Variants in PAPOLA observed in about 807,000 individuals in gnomAD.
PAPOLA encodes polynucleotide adenylyltransferase alpha.
A neutral mutation model predicts 100.6 loss-of-function variants in PAPOLA; 15 were observed. The observed-to-expected ratio is 0.15, with a 90% CI of 0.10 to 0.23. The LOEUF (loss-of-function observed/expected upper bound fraction) is 0.23, where lower values mean the gene tolerates loss of function less well. Ranked by LOEUF, PAPOLA falls within the 10% of genes least tolerant of loss-of-function variation. PAPOLA has a pLI of 1.00. For missense variants in PAPOLA, 533 were observed against 884.2 expected, an observed-to-expected ratio of 0.60 and a Z score of 5.04; for synonymous variants, 293 against 300.0, an observed-to-expected ratio of 0.98 and a Z score of 0.24.
At chr14:96,532,258 G>A (rs1899086416) in intron 7 of PAPOLA, 73 bp from the exon 8 acceptor site, 15 of 1,475,944 alleles carry the variant, frequency 1.0e-5, no homozygotes, top group Non-Finnish European at 1.3e-5. Flanking sequence ...ATGATTTAAT[G>A]TTGTTTTTTT....
At chr14:96,514,462 T>A (rs1261662261) in intron 1 of PAPOLA, among the ~76,000 whole-genome samples, 1 of 151,972 alleles carries the variant, frequency 6.6e-6, no homozygotes, top group Non-Finnish European at 1.5e-5. Context: ...ATTGCAGGCG[T>A]GTGCCACCAC....
intron 1 of PAPOLA, among the ~76,000 whole-genome samples, chr14:96,518,921 G>A (rs1276609773): frequency 2.0e-5 from 3 of 151,884 alleles, no homozygotes; most frequent in Non-Finnish European, 4.4e-5. Flanking sequence ...GCCGGGTGTG[G>A]TGGCATGCAC....
chr14:96,525,852 G>C (rs1898423646), intron 4 of PAPOLA: 1 of 153,036 alleles, frequency 6.5e-6, no homozygotes, highest in African/African-American at 2.4e-5. Flanking sequence ...TACTGCATTG[G>C]AAAGTACAGA....
At chr14:96,559,661 G>A (rs1034054778) in intron 19 of PAPOLA, among the ~76,000 whole-genome samples, 4 of 145,736 alleles carry the variant, frequency 2.7e-5, no homozygotes, top group Non-Finnish European at 6.0e-5. Context: ...AAAACTTTCT[G>A]TATGGAAAAT....
intron 12 of PAPOLA, among the ~76,000 whole-genome samples, chr14:96,541,663 CATGTT>C (rs1329303519): frequency 6.6e-6 from 1 of 151,722 alleles, no homozygotes; most frequent in African/African-American, 2.4e-5. Flanking sequence ...TTGTTGCTGT[CATGTT>C]AGTGATTTTT....
In PAPOLA at chr14:96,535,062, G is replaced by A. The variant is rs938623314; in HGVS notation, c.909+499G>A. 3.1e-6 allele frequency: 3 copies of A among 981,256 alleles called. No individual in the cohort carries two copies. The African/African-American group carries it at 5.3e-5, about 17-fold the overall frequency. 60.8% of individuals were successfully genotyped at this position (981,256 alleles called of 1,614,324 possible). ...ATATTTTAGAGATTATAAAAACATGGTTGGGCTAAAGAAGACCTTCCATTC... is the reference window on the plus strand; with the variant it reads ...ATATTTTAGAGATTATAAAAACATGATTGGGCTAAAGAAGACCTTCCATTC... On this transcript the variant is annotated intron_variant, in intron 10 of 21. Coordinates refer to ENST00000216277, the MANE Select transcript of PAPOLA (RefSeq NM_032632.5).
intron 1 of PAPOLA, among the ~76,000 whole-genome samples, chr14:96,509,803 C>T (rs1054244407): frequency 3.9e-5 from 6 of 152,140 alleles, no homozygotes; most frequent in African/African-American, 1.4e-4. Flanking sequence ...GTTATGGGAC[C>T]ACTGTTATAT....
chr14:96,557,165 C>T (rs1359527841), intron 19 of PAPOLA, among the ~76,000 whole-genome samples: 1 of 152,140 alleles, frequency 6.6e-6, no homozygotes, highest in Non-Finnish European at 1.5e-5. Context: ...CCCACCTCAG[C>T]CTCCCAAGTA....
chr14:96,547,222 G>A (rs991081430), intron 15 of PAPOLA, among the ~76,000 whole-genome samples: 4 of 152,080 alleles, frequency 2.6e-5, no homozygotes, highest in Non-Finnish European at 5.9e-5. Flanking sequence ...TTGTATGACC[G>A]ACTTTTTTAC....
chr14:96,558,812 C>G (rs1280862697), intron 19 of PAPOLA, among the ~76,000 whole-genome samples: 1 of 152,028 alleles, frequency 6.6e-6, no homozygotes, highest in Admixed American at 6.5e-5. Context: ...AGCCTACTCA[C>G]AAAAATTAAC....
rs889855055 is a variant in PAPOLA, at chr14:96,503,274, A to G, written c.8+674A>G. On this transcript the variant is annotated intron_variant, in intron 1 of 21. Transcript: ENST00000216277. ...AGGGTGCCCTCCTCCAAAACGACTT[A>G]TGTATTGCTTTCCCTGTTTTGTTTT... 1.3e-4 allele frequency among the ~76,000 whole-genome samples: 20 copies of G among 152,248 alleles called. 1 individual carries two copies. In the South Asian group the frequency reaches 4.1e-3, roughly 32 times the overall value.
At chr14:96,540,413 CT>C (rs1003084827) in intron 12 of PAPOLA, among the ~76,000 whole-genome samples, 2,680 of 138,480 alleles carry the variant, frequency 0.019, 58 homozygotes, top group African/African-American at 0.061. Context: ...TGTTCTTTAC[CT>C]TTTTTTTTTT....
intron 6 of PAPOLA, among the ~76,000 whole-genome samples, chr14:96,528,949 A>G (rs547960190): frequency 2.8e-4 from 43 of 152,364 alleles, no homozygotes; most frequent in African/African-American, 7.5e-4. Context: ...AATATAAAGT[A>G]TAAGTTGAGG....
chr14:96,564,234 C>G (rs1902101516), intron 21 of PAPOLA, among the ~76,000 whole-genome samples: 1 of 151,984 alleles, frequency 6.6e-6, no homozygotes, highest in African/African-American at 2.4e-5. Context: ...CTAGGATTTG[C>G]TTCAGAATAA....
intron 20 of PAPOLA, among the ~76,000 whole-genome samples, chr14:96,562,307 C>T (rs918304668): frequency 6.6e-6 from 1 of 152,052 alleles, no homozygotes; most frequent in Non-Finnish European, 1.5e-5. Flanking sequence ...TGAGTAGAAT[C>T]AGTGCACTGA....
Position 96,525,363 on chromosome 14 carries a change from A to G in PAPOLA, c.303A>G (p.Gly101=). 1 of 1,498,216 alleles carries G rather than the reference A, an allele frequency of 6.7e-7. No individual in the cohort carries two copies. The highest frequency in any genetic ancestry group is 9.2e-7 in the Non-Finnish European group (1 of 1,084,296). 92.8% of individuals were successfully genotyped at this position (1,498,216 alleles called of 1,614,324 possible). The change falls in exon 4 of 22, where the codon GGA becomes GGG. Residue 101 remains glycine (G), a synonymous_variant. Transcript: ENST00000216277. ...TTGGAGGAAAAATTTTTACATTTGG[A>G]TCTTACAGATTAGGAGTGCATACAA... The part of the protein sequence containing the change: ...ENVGGKIFTF[G]SYRLGVHTKG...
Position 96,556,247 on chromosome 14 carries a change from C to T in PAPOLA, c.1838C>T (p.Ser613Phe). 2 of 1,614,102 alleles carry T rather than the reference C, an allele frequency of 1.2e-6. No homozygotes were observed. The highest frequency in any genetic ancestry group is 1.1e-5 in the South Asian group (1 of 91,072). ...AISPPPKPTV[S>F]RVVSSTRLVN... Reference sequence around the variant, plus strand: ...TCTCCACCACCAAAGCCTACGGTCTCCAGAGTTGTTTCTTCAACACGTCTG... The same window carrying T: ...TCTCCACCACCAAAGCCTACGGTCTTCAGAGTTGTTTCTTCAACACGTCTG... Residue 613 changes from serine (S) to phenylalanine (F), a missense_variant, in exon 19 of 22, where the codon TCC becomes TTC. Physicochemically the swap from Ser to Phe is radical, Grantham distance 155. Around this residue, in one of 9 missense-constraint regions of PAPOLA, gnomAD observed 242 missense variants for 281.0 expected, o/e 0.86. Transcript: ENST00000216277.
At chr14:96,535,189 C>T (rs1899410768) in intron 10 of PAPOLA, 1 of 909,226 alleles carries the variant, frequency 1.1e-6, no homozygotes. Flanking sequence ...AATAAGATTT[C>T]CTAAGTTTAT....
chr14:96,538,597 C>T (rs1899729031), intron 12 of PAPOLA, among the ~76,000 whole-genome samples: 1 of 151,920 alleles, frequency 6.6e-6, no homozygotes, highest in African/African-American at 2.4e-5. Flanking sequence ...GAAATTACAT[C>T]AGGAAAATTT....
Sources: gnomAD v4.1 joint callset for allele counts (sites outside exome capture counted in the v4.1 genomes callset) on GRCh38, gnomAD v4.1.1 for gene constraint, gnomAD v4.1.1 regional missense constraint, MANE v1.5 for transcripts, NCBI Gene and HGNC (gene_info 2026-07-23, HGNC 2026-07-21) for gene names.